PDZD7: variants seen among roughly 807,000 people sequenced by gnomAD.
The protein encoded by PDZD7 is PDZ domain-containing protein 7.
PDZD7 carries 72 observed loss-of-function variants against 84.7 expected under a neutral mutation model. That is an observed-to-expected ratio of 0.85 (90% CI 0.70 to 1.03). The LOEUF (loss-of-function observed/expected upper bound fraction) is 1.03. PDZD7 is among the 50% of genes least tolerant of loss of function. PDZD7 has a pLI of 0.00. For missense variants in PDZD7, 1,490 were observed against 1,412.9 expected, an observed-to-expected ratio of 1.05 and a Z score of -0.87; for synonymous variants, 594 against 580.7, an observed-to-expected ratio of 1.02 and a Z score of -0.33.
Position 101,010,345 on chromosome 10 carries a change from G to A in PDZD7, c.2544C>T (p.Ala848=). The change falls in exon 15 of 17, where the codon GCC becomes GCT. Residue 848 remains alanine, a synonymous_variant. Coordinates refer to ENST00000619208, the MANE Select transcript of PDZD7 (RefSeq NM_001195263.2). ...GPSESGTEGT[A]KEAAMKNPSG... Reference sequence around the variant, plus strand: ...TGGGGTTCTTCATGGCTGCCTCCTTGGCCGTCCCCTCAGTTCCACTCTCCG... The same window carrying A: ...TGGGGTTCTTCATGGCTGCCTCCTTAGCCGTCCCCTCAGTTCCACTCTCCG... The A allele has an allele frequency of 6.5e-7, 1 of 1,535,448 alleles. No homozygotes were observed. The highest frequency in any genetic ancestry group is 8.7e-7 in the Non-Finnish European group (1 of 1,146,308).
intron 2 of PDZD7, among the ~76,000 whole-genome samples, chr10:101,024,540 C>T (rs1011296512): frequency 5.9e-5 from 9 of 152,228 alleles, no homozygotes; most frequent in Admixed American, 4.6e-4. Flanking sequence ...GCATATCCTG[C>T]CCGCTCTGAG....
rs755460761 is a variant in PDZD7, at chr10:101,008,672, T to C, written c.2897A>G (p.Asp966Gly). ...CAAGTGGTCAGCAGGAAGGCCCCCA[T>C]CAGTAAGGGCTGATGAGTCAGAGGG... is the stretch of plus-strand genomic sequence containing the variant. ...PSPSDSSALT[D>G]GGLPADHLPA... is the part of the protein sequence containing the mutation. Residue 966 changes from aspartate (D) to glycine (G), a missense_variant, in exon 17 of 17, where the codon GAT becomes GGT. Physicochemically the swap from Asp to Gly is moderately conservative, Grantham distance 94. Transcript: ENST00000619208. The C allele has an allele frequency of 1.3e-6, 2 of 1,535,762 alleles. No individual in the cohort carries two copies.
Position 101,021,859 on chromosome 10 carries a change from A to C in PDZD7, c.806T>G (p.Ile269Ser), listed in dbSNP as rs776311548. The change falls in exon 6 of 17, where the codon ATC (isoleucine) becomes AGC (serine). Residue 269 changes from isoleucine (I) to serine (S), a missense_variant. Transcript: ENST00000619208. ...CACCTCCACGGCCTGGCTGTGGCTGATGTCGTCAAACCTGACACCGTTGGC... is the reference window on the plus strand; with the variant it reads ...CACCTCCACGGCCTGGCTGTGGCTGCTGTCGTCAAACCTGACACCGTTGGC... ...LAANGVRFDD[I>S]SHSQAVEVLK... 2.7e-5 allele frequency: 44 copies of C among 1,613,920 alleles called. No homozygotes were observed. The South Asian group carries it at 4.8e-4, about 18-fold the overall frequency.
intron 1 of PDZD7, 174 bp from the exon 2 acceptor site, chr10:101,030,558 C>CT (rs941950714): frequency 6.5e-5 from 32 of 493,376 alleles, no homozygotes; most frequent in Non-Finnish European, 1.0e-4. Context: ...TGGACTCTCG[C>CT]TGACTTTATA....
chr10:101,008,388 C>CA lies in PDZD7; in HGVS notation c.*78_*79insT. On this transcript the variant is annotated 3_prime_UTR_variant, in exon 17 of 17. Transcript: ENST00000619208. Reference sequence around the variant, plus strand: ...GCAGGGTGGGCAGGAGCTGGAGAGTCCTGAAGAAGTTGGTAGGAGAGGTCC... The same window carrying CA: ...GCAGGGTGGGCAGGAGCTGGAGAGTCACTGAAGAAGTTGGTAGGAGAGGTCC... 1 of 1,374,100 alleles carries CA rather than the reference C, an allele frequency of 7.3e-7. No homozygotes were observed. Among genetic ancestry groups the CA allele is most frequent in the South Asian group, 1.5e-5 (1 of 68,424 alleles). The allele number at this position is 1,374,100 out of a possible 1,614,324, so 85.1% of individuals were successfully genotyped here.
At chr10:101,016,560 C>A in intron 9 of PDZD7, 133 bp from the exon 10 acceptor site, 1 of 892,018 alleles carries the variant, frequency 1.1e-6, no homozygotes. Flanking sequence ...AGAGGCCTGG[C>A]CCTGAGGGGC....
chr10:101,022,361 C>T lies in PDZD7; in HGVS notation c.567G>A (p.Leu189=). 1 of 1,614,150 alleles carries T rather than the reference C, an allele frequency of 6.2e-7. No individual in the cohort carries two copies. The highest frequency in any genetic ancestry group is 8.5e-7 in the Non-Finnish European group (1 of 1,180,032). Residue 189 remains leucine (L), a synonymous_variant, in exon 5 of 17, where the codon CTG becomes CTA. Transcript: ENST00000619208. The part of the protein sequence containing the change: ...TTWVDVVNRR[L]VVEKCGSTPS... ...GTGTTGAACCGCACTTCTCCACTAC[C>T]AGGCGCCGATTCACCACATCCACCC...
chr10:101,011,832 G>A, intron 13 of PDZD7, 71 bp from the exon 14 acceptor site: 1 of 1,550,282 alleles, frequency 6.5e-7, no homozygotes, highest in African/African-American at 1.4e-5. Context: ...AGCTCAAGGG[G>A]CTCGGCAATC....
chr10:101,009,736 T>C (rs1564821928), intron 15 of PDZD7, among the ~76,000 whole-genome samples: 1 of 150,932 alleles, frequency 6.6e-6, no homozygotes, highest in Non-Finnish European at 1.5e-5. Flanking sequence ...CCCTCCCTAG[T>C]AGCTGGGATT....
Position 101,018,894 on chromosome 10 carries a change from T to G in PDZD7, c.1252A>C (p.Thr418Pro). 2.5e-6 allele frequency: 4 copies of G among 1,605,184 alleles called. No homozygotes were observed. Among genetic ancestry groups the G allele is most frequent in the Non-Finnish European group, 3.4e-6 (4 of 1,176,448 alleles). The change falls in exon 8 of 17, where the codon ACG becomes CCG. Residue 418 changes from threonine to proline, a missense_variant. By Grantham distance (38) the Thr-to-Pro change is conservative. Coordinates refer to ENST00000619208, the MANE Select transcript of PDZD7 (RefSeq NM_001195263.2). The part of the protein sequence containing the change: ...LDSALSESPK[T>P]ALLLALSRPR... Reference sequence around the variant, plus strand: ...CGGCTGAGGGCCAGCAGCAAAGCCGTCTTGGGAGACTCAGAGAGCGCAGAG... The same window carrying G: ...CGGCTGAGGGCCAGCAGCAAAGCCGGCTTGGGAGACTCAGAGAGCGCAGAG...
chr10:101,018,997 C>G lies in PDZD7; in HGVS notation c.1149G>C (p.Trp383Cys), dbSNP rs754408663. The change falls in exon 8 of 17, where the codon TGG becomes TGC. Residue 383 changes from tryptophan (W) to cysteine (C), a missense_variant. Trp to Cys is a radical substitution (Grantham distance 215). Coordinates refer to ENST00000619208, the MANE Select transcript of PDZD7 (RefSeq NM_001195263.2). ...EPDAGGRVET[W>C]CSVRPTVILR... ...GGATGACTGTGGGCCGCACGCTGCA[C>G]CAGGTCTCCACCCGGCCTCCCGCAT... The G allele has an allele frequency of 1.2e-5, 19 of 1,579,298 alleles. No homozygotes were observed. In the South Asian group the frequency reaches 2.1e-4, roughly 17 times the overall value.
At chr10:101,014,671 G>GACACAC (rs3051191) in intron 11 of PDZD7, among the ~76,000 whole-genome samples, 84,447 of 148,844 alleles carry the variant, frequency 0.57, 23,848 homozygotes, top group Middle Eastern at 0.6. Context: ...ACAATGCATG[G>GACACAC]ACACACACAC....
In PDZD7 at chr10:101,022,295, G is replaced by A. The variant is rs1853156478; in HGVS notation, c.633C>T (p.Val211=). ...TSSEDGVRRI[V]HLYTTSDDFC... ...AGTCGTCGGAGGTTGTGTATAGGTG[G>A]ACGATGCGCCGGACACCATCTTCTG... The change falls in exon 5 of 17, where the codon GTC becomes GTT. Residue 211 remains valine, a synonymous_variant. Coordinates refer to ENST00000619208, the MANE Select transcript of PDZD7 (RefSeq NM_001195263.2). The A allele has an allele frequency of 1.9e-6, 3 of 1,614,102 alleles. No individual in the cohort carries two copies. The highest frequency in any genetic ancestry group is 3.3e-5 in the Admixed American group (2 of 60,008).
At chr10:101,023,842 C>G in intron 3 of PDZD7, 86 bp downstream of exon 3, 1 of 1,605,340 alleles carries the variant, frequency 6.2e-7, no homozygotes, top group Non-Finnish European at 8.5e-7. Flanking sequence ...ACTCTTCCGT[C>G]TGTCCCTGAC....
At position 101,030,401 on chromosome 10, in the gene PDZD7, G is replaced by A. The variant is rs1590082071; in HGVS notation, c.-165-17C>T. ...GCTCCAGGCCTGGGCAGGGAGAGCAGGGATGAGGGAGGGGTGTAAATGTTT... is the reference window on the plus strand; with the variant it reads ...GCTCCAGGCCTGGGCAGGGAGAGCAAGGATGAGGGAGGGGTGTAAATGTTT... On this transcript the variant is annotated splice_polypyrimidine_tract_variant and intron_variant, in intron 1 of 16. Coordinates refer to ENST00000619208, the MANE Select transcript of PDZD7 (RefSeq NM_001195263.2). 2.0e-5 allele frequency: 14 copies of A among 701,496 alleles called. No individual in the cohort carries two copies. In the East Asian group the frequency reaches 2.7e-4, roughly 13 times the overall value. 43.5% of individuals were successfully genotyped at this position (701,496 alleles called of 1,614,324 possible).
chr10:101,010,984 G>C (rs1201795429), intron 14 of PDZD7, 101 bp from the exon 15 acceptor site: 3 of 1,524,072 alleles, frequency 2.0e-6, no homozygotes, highest in Non-Finnish European at 2.6e-6. Context: ...GCCCGAGTTT[G>C]TTCAGGCACC....
intron 16 of PDZD7, 41 bp from the exon 17 acceptor site, chr10:101,008,891 T>C: frequency 6.9e-7 from 1 of 1,454,378 alleles, no homozygotes; most frequent in South Asian, 1.4e-5. Context: ...CCTCCTCATG[T>C]CACCCTGCAT....
chr10:101,011,437 A>G, intron 14 of PDZD7: 1 of 1,045,928 alleles, frequency 9.6e-7, no homozygotes, highest in Non-Finnish European at 1.3e-6. Flanking sequence ...GTAATTTCTC[A>G]GAGGTTACTG....
chr10:101,010,250 G>T (rs1483690233), intron 15 of PDZD7, 22 bp downstream of exon 15: 2 of 1,505,624 alleles, frequency 1.3e-6, no homozygotes, highest in Non-Finnish European at 1.8e-6. Flanking sequence ...CCTCTGCCGG[G>T]CCCAGTCCCA....
Sources: allele counts gnomAD v4.1 joint callset (sites outside exome capture counted in the v4.1 genomes callset), GRCh38; gene constraint gnomAD v4.1.1; transcripts MANE v1.5; gene names NCBI Gene and HGNC (gene_info 2026-07-23, HGNC 2026-07-21).